KHDRBS2: variants seen among roughly 807,000 people sequenced by gnomAD.
The protein encoded by KHDRBS2 is KH RNA binding domain containing, signal transduction associated 2.
KHDRBS2 carries 26 observed loss-of-function variants against 44.3 expected under a neutral mutation model. The observed-to-expected ratio is 0.59, with a 90% CI of 0.43 to 0.81. The LOEUF (loss-of-function observed/expected upper bound fraction) is 0.81, where lower values mean the gene tolerates loss of function less well. Ranked by LOEUF, KHDRBS2 falls within the 40% of genes least tolerant of loss-of-function variation. KHDRBS2 has a pLI of 0.00. For missense variants in KHDRBS2, 476 were observed against 433.1 expected (o/e 1.10, Z -0.88); for synonymous variants, 194 against 151.1 (o/e 1.28, Z -2.08).
At chr6:61,569,218 C>T in the KHDRBS2 span, among the ~76,000 whole-genome samples, 1 of 152,104 alleles carries the variant, frequency 6.6e-6, no homozygotes, top group African/African-American at 2.4e-5. Context: ...CTCCCGTTCC[C>T]CACAGTGGCA....
chr6:61,797,372 T>C (rs1278196428), intron 6 of KHDRBS2, among the ~76,000 whole-genome samples: 1 of 152,148 alleles, frequency 6.6e-6, no homozygotes, highest in Non-Finnish European at 1.5e-5. Context: ...TATATCTCCA[T>C]CTTTACACCA....
At chr6:62,016,876 ATAAAGTCAG>A (rs1159636685) in intron 3 of KHDRBS2, among the ~76,000 whole-genome samples, 1 of 152,036 alleles carries the variant, frequency 6.6e-6, no homozygotes, top group Non-Finnish European at 1.5e-5. Flanking sequence ...TCAATATTAT[ATAAAGTCAG>A]TAAACCCTTT....
chr6:62,023,541 T>G (rs1443081428), intron 3 of KHDRBS2, among the ~76,000 whole-genome samples: 1 of 151,638 alleles, frequency 6.6e-6, no homozygotes, highest in Non-Finnish European at 1.5e-5. Context: ...AAGAAATATT[T>G]TTATTAAAAA....
At chr6:62,192,647 G>T (rs1375706920) in intron 1 of KHDRBS2, among the ~76,000 whole-genome samples, 6 of 152,090 alleles carry the variant, frequency 3.9e-5, no homozygotes, top group Non-Finnish European at 7.4e-5. Flanking sequence ...TTATTCATTA[G>T]AGTTAAAAAT....
chr6:62,277,021 A>T (rs1165654059), intron 1 of KHDRBS2, among the ~76,000 whole-genome samples: 1 of 152,222 alleles, frequency 6.6e-6, no homozygotes, highest in Non-Finnish European at 1.5e-5. Flanking sequence ...TGCATCGTCT[A>T]GTACAGTGTC....
rs989561912 is a variant in KHDRBS2, at chr6:62,273,028, A to G, written c.91+12830T>C. ...AGGAAAAAAAAGGGATACATAAGTT[A>G]AAGTACTTCACTCAGAATAACATGG... On this transcript the variant is annotated intron_variant, in intron 1 of 8. Transcript: ENST00000281156. Among the ~76,000 whole-genome samples the G allele has an allele frequency of 2.0e-5, 3 of 152,296 alleles. No individual in the cohort carries two copies. The South Asian group carries it at 6.2e-4, about 32-fold the overall frequency.
chr6:61,893,901 T>TA lies in KHDRBS2; in HGVS notation c.810+733dup, dbSNP rs201415389. Among the ~76,000 whole-genome samples the TA allele has an allele frequency of 9.4e-3, 1,342 of 142,516 alleles. 14 individuals are homozygous for TA. Among genetic ancestry groups the TA allele is most frequent in the South Asian group, 0.035 (158 of 4,494 alleles). 93.5% of individuals were successfully genotyped at this position (142,516 alleles called of 152,430 possible). ...TACCCTAAAACTTAAAGTATAATAA[T>TA]AAAAAAAAAAACATTTACAGAAGAC... On this transcript the variant is annotated intron_variant, in intron 6 of 8. Transcript: ENST00000281156.
chr6:62,190,656 C>A (rs1425122229), intron 1 of KHDRBS2, among the ~76,000 whole-genome samples: 2 of 152,038 alleles, frequency 1.3e-5, no homozygotes, highest in South Asian at 4.2e-4. Flanking sequence ...TATTTACATT[C>A]TAAAATTTTT....
At chr6:62,116,856 C>A (rs762352952) in intron 2 of KHDRBS2, among the ~76,000 whole-genome samples, 1 of 152,070 alleles carries the variant, frequency 6.6e-6, no homozygotes, top group Non-Finnish European at 1.5e-5. Context: ...TGAGGAAGAA[C>A]AAACCATATT....
intron 4 of KHDRBS2, among the ~76,000 whole-genome samples, chr6:61,912,956 T>G (rs1394104436): frequency 2.0e-5 from 3 of 152,124 alleles, no homozygotes; most frequent in Admixed American, 6.6e-5. Flanking sequence ...GGAATCACTC[T>G]CAATATGAGG....
At chr6:61,875,193 G>A (rs1194535870) in intron 6 of KHDRBS2, among the ~76,000 whole-genome samples, 2 of 148,370 alleles carry the variant, frequency 1.3e-5, no homozygotes, top group Non-Finnish European at 3.0e-5. Flanking sequence ...GGGCAGGGAG[G>A]GAGAGAGAGA....
chr6:62,094,528 T>A (rs760309758), intron 2 of KHDRBS2, among the ~76,000 whole-genome samples: 12 of 151,966 alleles, frequency 7.9e-5, no homozygotes, highest in Non-Finnish European at 1.0e-4. Context: ...GTGCAGAGGC[T>A]TTTTAGTTTG....
chr6:61,644,121 C>G, the KHDRBS2 span, among the ~76,000 whole-genome samples: 1 of 151,978 alleles, frequency 6.6e-6, no homozygotes, highest in South Asian at 2.1e-4. Flanking sequence ...AGACCAATGG[C>G]ACAGAATAGA....
At chr6:61,754,652 A>T (rs1302700330) in intron 6 of KHDRBS2, among the ~76,000 whole-genome samples, 1 of 151,244 alleles carries the variant, frequency 6.6e-6, no homozygotes, top group East Asian at 1.9e-4. Flanking sequence ...AATCTTTATA[A>T]TTGATTATTG....
rs562822310 is a variant in KHDRBS2 at position 61,778,311 on chromosome 6, G to A, written c.811-45547C>T. On this transcript the variant is annotated intron_variant, in intron 6 of 8. Transcript: ENST00000281156. The stretch of plus-strand genomic sequence containing the variant: ...CACTGCCTTTTATGCCTGGGACTGT[G>A]CAAGACACATTCTCTTTCTTGATCT... Among the ~76,000 whole-genome samples, 66 of 152,186 alleles carry A rather than the reference G, an allele frequency of 4.3e-4. 1 individual carries two copies. Among genetic ancestry groups the A allele is most frequent in the African/African-American group, 1.6e-3 (65 of 41,522 alleles).
chr6:61,792,696 G>T (rs1307493157), intron 6 of KHDRBS2, among the ~76,000 whole-genome samples: 3 of 151,706 alleles, frequency 2.0e-5, no homozygotes, highest in Non-Finnish European at 4.4e-5. Context: ...AAACTTTCAA[G>T]CCCCTCTTCT....
At chr6:62,211,813 C>A (rs1829096522) in intron 1 of KHDRBS2, among the ~76,000 whole-genome samples, 3 of 151,994 alleles carry the variant, frequency 2.0e-5, no homozygotes, top group Admixed American at 2.0e-4. Flanking sequence ...TGGGTATATA[C>A]CCAAAGGAAT....
chr6:61,548,362 C>T, the KHDRBS2 span, among the ~76,000 whole-genome samples: 3 of 152,056 alleles, frequency 2.0e-5, no homozygotes, highest in South Asian at 6.2e-4. Context: ...TTACCCTAAA[C>T]CAGTGCTCAG....
chr6:62,108,245 G>C (rs992849776), intron 2 of KHDRBS2, among the ~76,000 whole-genome samples: 116 of 151,792 alleles, frequency 7.6e-4, no homozygotes, highest in African/African-American at 2.6e-3. Context: ...AACAAATTTA[G>C]AAGAAAAAAA....
Sources: allele counts gnomAD v4.1 joint callset (sites outside exome capture counted in the v4.1 genomes callset), GRCh38; gene constraint gnomAD v4.1.1; transcripts MANE v1.5; gene names NCBI Gene and HGNC (gene_info 2026-07-23, HGNC 2026-07-21).